Variants in USP32 observed in about 807,000 individuals in gnomAD.
USP32 encodes the protein ubiquitin carboxyl-terminal hydrolase 32.
USP32 carries 59 observed loss-of-function variants against 204.8 expected under a neutral mutation model. The observed-to-expected ratio is 0.29, with a 90% CI of 0.23 to 0.36. The LOEUF is 0.36. USP32 is among the 10% of genes least tolerant of loss of function. The pLI, the probability that USP32 is intolerant of heterozygous loss-of-function variation, is 1.00. For synonymous variants in USP32, 517 were observed against 678.4 expected, an observed-to-expected ratio of 0.76 and a Z score of 3.70; for missense variants, 1,160 against 1,946.4, an observed-to-expected ratio of 0.60 and a Z score of 7.60.
intron 27 of USP32, among the ~76,000 whole-genome samples, chr17:60,193,522 G>C (rs540870331): frequency 6.6e-6 from 1 of 152,168 alleles, no homozygotes; most frequent in African/African-American, 2.4e-5. Context: ...CCCTAACAAG[G>C]AGCAATGCAA....
intron 1 of USP32, 87 bp downstream of exon 1, chr17:60,391,795 A>C: frequency 5.6e-6 from 8 of 1,438,246 alleles, no homozygotes; most frequent in African/African-American, 1.4e-5. Context: ...CACGCCCTCA[A>C]TCTCCCCTCT....
intron 2 of USP32, among the ~76,000 whole-genome samples, chr17:60,338,856 T>G (rs894724288): frequency 6.6e-6 from 1 of 152,240 alleles, no homozygotes; most frequent in Non-Finnish European, 1.5e-5. Flanking sequence ...ATTCAAGTAA[T>G]ACATGGTTAC....
At chr17:60,296,418 A>G (rs1170499895) in intron 3 of USP32, among the ~76,000 whole-genome samples, 2 of 152,220 alleles carry the variant, frequency 1.3e-5, no homozygotes, top group East Asian at 3.8e-4. Context: ...TAAGAAAGGC[A>G]GGGATTAGAA....
At chr17:60,419,833 ATTAT>A (rs2090094058) in intron 1 of USP32, among the ~76,000 whole-genome samples, 4 of 138,058 alleles carry the variant, frequency 2.9e-5, no homozygotes, top group Admixed American at 7.1e-5. Context: ...TATTATTATT[ATTAT>A]TATTATTATT....
Position 60,266,938 on chromosome 17 carries a change from G to A in USP32, c.812-847C>T, listed in dbSNP as rs1175690281. 2.7e-5 allele frequency among the ~76,000 whole-genome samples: 4 copies of A among 150,250 alleles called. No homozygotes were observed. The East Asian group carries it at 8.0e-4, about 30-fold the overall frequency. ...CAAAGTGCTGGGATTACAGGCGTGAGCCACTGTGCCCGGCCAATTTTTGTA... is the reference window on the plus strand; with the variant it reads ...CAAAGTGCTGGGATTACAGGCGTGAACCACTGTGCCCGGCCAATTTTTGTA... On this transcript the variant is annotated intron_variant, in intron 7 of 33. Transcript: ENST00000300896.
chr17:60,236,127 A>T lies in USP32; in HGVS notation c.1239+11T>A. On this transcript the variant is annotated intron_variant, in intron 12 of 33. Transcript: ENST00000300896. ...CTGTGAAAAATGTAAATAGACAGGA[A>T]TCTAACTCACGTATTTGACATATTC... 1 of 1,609,666 alleles carries T rather than the reference A, an allele frequency of 6.2e-7. No homozygotes were observed. Among genetic ancestry groups the T allele is most frequent in the Non-Finnish European group, 8.5e-7 (1 of 1,176,136 alleles).
intron 3 of USP32, 112 bp downstream of exon 3, chr17:60,301,487 G>A (rs2087573932): frequency 1.6e-6 from 1 of 615,270 alleles, no homozygotes; most frequent in East Asian, 3.4e-5. Flanking sequence ...TTTACCACTT[G>A]TATATCTTCT....
rs574729609 is a variant in USP32, at chr17:60,377,531, T to C, written c.58+14351A>G. 1.7e-3 allele frequency among the ~76,000 whole-genome samples: 252 copies of C among 152,282 alleles called. 2 individuals are homozygous for C. Among genetic ancestry groups the C allele is most frequent in the Admixed American group, 2.8e-3 (43 of 15,294 alleles). Reference sequence around the variant, plus strand: ...CAGAATTCATAAAGATAGGAGGCATTTCTCATTCTTATGGTAGAGACTACC... The same window carrying C: ...CAGAATTCATAAAGATAGGAGGCATCTCTCATTCTTATGGTAGAGACTACC... On this transcript the variant is annotated intron_variant, in intron 1 of 33. Transcript: ENST00000300896.
chr17:60,329,566 C>T (rs1196046131), intron 2 of USP32, among the ~76,000 whole-genome samples: 1 of 151,910 alleles, frequency 6.6e-6, no homozygotes, highest in African/African-American at 2.4e-5. Flanking sequence ...ACTTCAGCCT[C>T]CCAAAGTGCT....
intron 21 of USP32, among the ~76,000 whole-genome samples, chr17:60,210,470 C>G (rs2084933091): frequency 6.6e-6 from 1 of 152,122 alleles, no homozygotes; most frequent in South Asian, 2.1e-4. Flanking sequence ...CACCACTATG[C>G]CCGGCTAATT....
chr17:60,392,204 C>T, upstream of USP32: 1 of 518,874 alleles, frequency 1.9e-6, no homozygotes, highest in Non-Finnish European at 3.4e-6. Context: ...TCCTCCCTCT[C>T]CTTCCCTCCT....
chr17:60,255,241 C>T lies in USP32; in HGVS notation c.1008G>A (p.Leu336=), dbSNP rs1441149537. The part of the protein sequence containing the change: ...HDTTKMGHLT[L]EDYQIWSVKN... ...TCACACTCCAGATCTGATAGTCTTCCAGAGTAAGATGACCCATCTGAAACA... is the reference window on the plus strand; with the variant it reads ...TCACACTCCAGATCTGATAGTCTTCTAGAGTAAGATGACCCATCTGAAACA... The change falls in exon 10 of 34, where the codon CTG becomes CTA. Residue 336 remains leucine (L), a synonymous_variant. Transcript: ENST00000300896. The T allele has an allele frequency of 2.5e-6, 4 of 1,610,522 alleles. No homozygotes were observed. The highest frequency in any genetic ancestry group is 3.4e-6 in the Non-Finnish European group (4 of 1,179,004).
chr17:60,349,626 AT>A (rs1567867417), intron 1 of USP32, among the ~76,000 whole-genome samples: 3 of 76,296 alleles, frequency 3.9e-5, no homozygotes, highest in Non-Finnish European at 6.6e-5. Context: ...TATATATATT[AT>A]ATATATATAT....
chr17:60,287,178 G>C (rs1319978659), intron 5 of USP32, among the ~76,000 whole-genome samples: 1 of 152,072 alleles, frequency 6.6e-6, no homozygotes, highest in East Asian at 1.9e-4. Flanking sequence ...ATTTCTTCCT[G>C]AAGGGCCTGG....
intron 5 of USP32, among the ~76,000 whole-genome samples, chr17:60,278,387 T>C (rs1244652994): frequency 6.6e-6 from 1 of 150,564 alleles, no homozygotes; most frequent in African/African-American, 2.4e-5. Context: ...AAATAGAGAG[T>C]TTTCTGGGAG....
At chr17:60,316,471 A>C (rs539489743) in intron 2 of USP32, among the ~76,000 whole-genome samples, 1 of 152,182 alleles carries the variant, frequency 6.6e-6, no homozygotes, top group Non-Finnish European at 1.5e-5. Flanking sequence ...TGCTTCAGTG[A>C]GCACGTTTCC....
At chr17:60,360,809 G>C (rs2089190880) in intron 1 of USP32, among the ~76,000 whole-genome samples, 1 of 152,034 alleles carries the variant, frequency 6.6e-6, no homozygotes, top group South Asian at 2.1e-4. Flanking sequence ...GTAAGTGAAT[G>C]CATTCTTCTT....
intron 29 of USP32, among the ~76,000 whole-genome samples, chr17:60,188,799 T>A (rs1384064072): frequency 6.6e-6 from 1 of 152,224 alleles, no homozygotes; most frequent in African/African-American, 2.4e-5. Flanking sequence ...TAAACCACGG[T>A]ATCTCTTTTG....
intron 1 of USP32, among the ~76,000 whole-genome samples, chr17:60,358,768 G>A (rs2089142714): frequency 6.6e-6 from 1 of 152,110 alleles, no homozygotes; most frequent in Non-Finnish European, 1.5e-5. Context: ...GGATATTGAG[G>A]ATGACGGTGC....
Sources: allele counts gnomAD v4.1 joint callset (sites outside exome capture counted in the v4.1 genomes callset), GRCh38; gene constraint gnomAD v4.1.1; transcripts MANE v1.5; gene names NCBI Gene and HGNC (gene_info 2026-07-23, HGNC 2026-07-21).